The following MKLN1 variants were observed in gnomAD, a reference collection of about 807,000 sequenced individuals.
MKLN1 encodes muskelin 1.
In MKLN1, 18 loss-of-function variants were observed where a neutral mutation model predicts 99.0. The observed-to-expected ratio is 0.18, with a 90% CI of 0.13 to 0.27. MKLN1 has a LOEUF of 0.27. Ranked by LOEUF, MKLN1 falls within the 10% of genes least tolerant of loss-of-function variation. MKLN1 has a pLI of 1.00. For synonymous variants in MKLN1, 288 were observed against 293.2 expected (o/e 0.98, Z 0.18); for missense variants, 621 against 875.9 (o/e 0.71, Z 3.67).
intron 4 of MKLN1, among the ~76,000 whole-genome samples, chr7:131,392,511 A>G (rs1393897516): frequency 6.6e-6 from 1 of 152,176 alleles, no homozygotes; most frequent in Non-Finnish European, 1.5e-5. Flanking sequence ...TTACTGTGCT[A>G]AGTATACTTA....
At chr7:131,265,990 A>G (rs1296920667) in intron 3 of MKLN1, among the ~76,000 whole-genome samples, 1 of 152,120 alleles carries the variant, frequency 6.6e-6, no homozygotes, top group Non-Finnish European at 1.5e-5. Flanking sequence ...CCTGATCAAC[A>G]TGGCGAAACC....
intron 1 of MKLN1, among the ~76,000 whole-genome samples, chr7:131,138,787 T>C (rs1309563222): frequency 6.6e-6 from 1 of 152,174 alleles, no homozygotes; most frequent in Non-Finnish European, 1.5e-5. Flanking sequence ...ATATGTGATG[T>C]TTACCAATGT....
chr7:131,189,894 G>T (rs1214326732), intron 2 of MKLN1, among the ~76,000 whole-genome samples: 1 of 123,166 alleles, frequency 8.1e-6, no homozygotes, highest in East Asian at 2.8e-4. Context: ...CTGGTTTATA[G>T]GAGGGCTGGG....
intron 6 of MKLN1, among the ~76,000 whole-genome samples, chr7:131,405,355 A>G (rs987366264): frequency 7.3e-5 from 11 of 151,062 alleles, no homozygotes; most frequent in African/African-American, 2.7e-4. Context: ...TCTTGAATAT[A>G]TATATATTTT....
At chr7:131,126,849 C>T (rs564194587) in intron 1 of MKLN1, among the ~76,000 whole-genome samples, 9 of 152,274 alleles carry the variant, frequency 5.9e-5, no homozygotes, top group Admixed American at 2.6e-4. Context: ...CCATCGCATC[C>T]GGCCCATATG....
At chr7:131,271,350 G>A (rs1305721058) in intron 3 of MKLN1, among the ~76,000 whole-genome samples, 1 of 152,114 alleles carries the variant, frequency 6.6e-6, no homozygotes, top group East Asian at 1.9e-4. Flanking sequence ...CTGGCACGGT[G>A]GCTCATGCCT....
intron 3 of MKLN1, among the ~76,000 whole-genome samples, chr7:131,261,894 A>G (rs1399767049): frequency 6.6e-6 from 1 of 152,202 alleles, no homozygotes; most frequent in African/African-American, 2.4e-5. Context: ...TATTAATAAC[A>G]TAGGAACAGA....
intron 1 of MKLN1, among the ~76,000 whole-genome samples, chr7:131,332,184 C>T (rs1458704931): frequency 6.6e-6 from 1 of 151,680 alleles, no homozygotes; most frequent in East Asian, 1.9e-4. Context: ...GCCTGTAATC[C>T]TAGCACTTTG....
intron 2 of MKLN1, among the ~76,000 whole-genome samples, chr7:131,170,356 C>T (rs1001737749): frequency 2.0e-5 from 3 of 152,038 alleles, no homozygotes; most frequent in East Asian, 1.9e-4. Context: ...ACATAAAACA[C>T]GGATATGTTA....
intron 4 of MKLN1, among the ~76,000 whole-genome samples, chr7:131,392,466 C>T (rs912323407): frequency 2.0e-5 from 3 of 152,138 alleles, no homozygotes; most frequent in Non-Finnish European, 4.4e-5. Context: ...TAGATAATAA[C>T]AGCTAACATT....
chr7:131,477,113 A>G (rs1309588149), intron 16 of MKLN1, among the ~76,000 whole-genome samples: 1 of 152,216 alleles, frequency 6.6e-6, no homozygotes. Flanking sequence ...TTGGGAAGAA[A>G]ACATAGGAGA....
intron 16 of MKLN1, among the ~76,000 whole-genome samples, chr7:131,476,404 G>A (rs1181885229): frequency 6.6e-6 from 1 of 152,042 alleles, no homozygotes; most frequent in Non-Finnish European, 1.5e-5. Flanking sequence ...ACCCCATGGT[G>A]TCTACAAAAC....
intron 17 of MKLN1, among the ~76,000 whole-genome samples, chr7:131,486,802 G>A (rs918775317): frequency 1.3e-5 from 2 of 152,128 alleles, no homozygotes; most frequent in African/African-American, 4.8e-5. Flanking sequence ...GCATCTCACT[G>A]AATATTCCTT....
At chr7:131,269,503 T>C (rs1198919953) in intron 3 of MKLN1, among the ~76,000 whole-genome samples, 1 of 152,246 alleles carries the variant, frequency 6.6e-6, no homozygotes, top group African/African-American at 2.4e-5. Context: ...CTCCACTGCA[T>C]AATTTCATCA....
chr7:131,362,166 C>G (rs560342539), intron 1 of MKLN1, among the ~76,000 whole-genome samples: 1 of 152,062 alleles, frequency 6.6e-6, no homozygotes, highest in African/African-American at 2.4e-5. Context: ...AATACAGTCA[C>G]GTGTTGCTTA....
intron 3 of MKLN1, among the ~76,000 whole-genome samples, chr7:131,207,641 C>T (rs565992904): frequency 1.8e-4 from 27 of 152,166 alleles, no homozygotes; most frequent in Non-Finnish European, 3.4e-4. Context: ...TGTACCATGG[C>T]CTACCAGATG....
intron 3 of MKLN1, among the ~76,000 whole-genome samples, chr7:131,293,388 G>A (rs528662978): frequency 1.3e-5 from 2 of 152,308 alleles, no homozygotes; most frequent in South Asian, 4.1e-4. Context: ...TGCAGTAATA[G>A]CTAATGGTTA....
In MKLN1 at chr7:131,387,280, T is replaced by G. The variant is rs1584684224; in HGVS notation, c.311+18T>G. 6.3e-7 allele frequency: 1 copy of G among 1,596,664 alleles called. No individual in the cohort carries two copies. Among genetic ancestry groups the G allele is most frequent in the East Asian group, 2.2e-5 (1 of 44,604 alleles). On this transcript the variant is annotated intron_variant, in intron 3 of 17. Coordinates refer to ENST00000352689, the MANE Select transcript of MKLN1 (RefSeq NM_013255.5). ...TTGTCCAGGTGAGTTATGGTTATGT[T>G]GAAGAGAGCTGTCTTCTAAACAAAA...
intron 16 of MKLN1, 58 bp from the exon 17 acceptor site, chr7:131,478,565 C>T (rs1312100538): frequency 1.4e-6 from 2 of 1,449,068 alleles, no homozygotes; most frequent in Non-Finnish European, 1.8e-6. Flanking sequence ...TATTTTCCTT[C>T]AGTGCACTTA....
Sources: allele counts gnomAD v4.1 joint callset (sites outside exome capture counted in the v4.1 genomes callset), GRCh38; gene constraint gnomAD v4.1.1; transcripts MANE v1.5; gene names NCBI Gene and HGNC (gene_info 2026-07-23, HGNC 2026-07-21).